The following NRXN3 variants were observed in gnomAD, a reference collection of about 807,000 sequenced individuals.
NRXN3 encodes neurexin 3, also known as neurexin III.
Under a neutral mutation model 137.6 loss-of-function variants are expected in NRXN3, and 32 were observed. The observed-to-expected ratio is 0.23, with a 90% confidence interval of 0.18 to 0.31. NRXN3 has a LOEUF of 0.31. Ranked by LOEUF, NRXN3 falls within the 10% of genes least tolerant of loss-of-function variation. The pLI is 1.00. For missense variants in NRXN3, 1,574 were observed against 2,062.5 expected, an observed-to-expected ratio of 0.76 and a Z score of 4.59; for synonymous variants, 798 against 784.5, an observed-to-expected ratio of 1.02 and a Z score of -0.29.
intron 15 of NRXN3, among the ~76,000 whole-genome samples, chr14:79,105,804 C>T (rs1315211855): frequency 6.6e-6 from 1 of 152,116 alleles, no homozygotes; most frequent in Non-Finnish European, 1.5e-5. Context: ...GGGCCTGGGG[C>T]AGGTTCACAA....
intron 19 of NRXN3, among the ~76,000 whole-genome samples, chr14:79,768,340 A>T (rs1159507421): frequency 1.3e-5 from 2 of 152,202 alleles, no homozygotes; most frequent in Admixed American, 1.3e-4. Context: ...AAACAAAAAG[A>T]CAGCAGTAAC....
intron 16 of NRXN3, among the ~76,000 whole-genome samples, chr14:79,609,948 G>C (rs913262483): frequency 6.6e-6 from 1 of 152,000 alleles, no homozygotes; most frequent in Admixed American, 6.6e-5. Context: ...GGGCCTGTCT[G>C]GGGGTAGGAG....
At position 79,049,072 on chromosome 14, in the gene NRXN3, A is replaced by AAATAAT. The variant is rs750758304; in HGVS notation, c.3262+60951_3262+60956dup. ...AAAAAAAAAAAAAAAAAAAAAAAAA[A>AAATAAT]AATAATAATAATAATAATAATAATA... On this transcript the variant is annotated intron_variant, in intron 15 of 20. Coordinates refer to ENST00000335750, the MANE Select transcript of NRXN3 (RefSeq NM_001330195.2). Among the ~76,000 whole-genome samples the AAATAAT allele has an allele frequency of 1.7e-3, 73 of 42,466 alleles. 1 individual carries two copies. In the East Asian group the frequency reaches 0.023, roughly 14 times the overall value. 27.9% of individuals were successfully genotyped at this position (42,466 alleles called of 152,430 possible). A position where few individuals can be genotyped will look rare whatever the true frequency, so the allele number is the denominator to read the frequency against.
At chr14:78,537,992 A>G (rs1487514453) in intron 4 of NRXN3, among the ~76,000 whole-genome samples, 1 of 152,202 alleles carries the variant, frequency 6.6e-6, no homozygotes, top group African/African-American at 2.4e-5. Flanking sequence ...TAACAGTACC[A>G]TGCTGTTTTG....
At chr14:78,773,740 A>T (rs2098735988) in intron 8 of NRXN3, among the ~76,000 whole-genome samples, 1 of 152,056 alleles carries the variant, frequency 6.6e-6, no homozygotes, top group Admixed American at 6.6e-5. Context: ...ATTATTTATT[A>T]ATTTTAGGTG....
intron 20 of NRXN3, among the ~76,000 whole-genome samples, chr14:79,858,381 C>A (rs554926508): frequency 6.6e-6 from 1 of 152,128 alleles, no homozygotes; most frequent in East Asian, 1.9e-4. Flanking sequence ...CAAATGAATG[C>A]CACTCTGTAA....
At chr14:79,505,638 C>A (rs138816373) in intron 16 of NRXN3, among the ~76,000 whole-genome samples, 5 of 152,184 alleles carry the variant, frequency 3.3e-5, no homozygotes, top group Admixed American at 3.3e-4. Context: ...TATTACCTTA[C>A]ATAGTTATCA....
rs2097611584 is a variant in NRXN3, at chr14:79,572,204, A to G, written c.3445-91574A>G. ...CACAAACCACATATACACATGCACA[A>G]CACACACACATTCTTTCTATACTTC... On this transcript the variant is annotated intron_variant, in intron 16 of 20. Coordinates refer to ENST00000335750, the MANE Select transcript of NRXN3 (RefSeq NM_001330195.2). 2.6e-5 allele frequency among the ~76,000 whole-genome samples: 4 copies of G among 152,094 alleles called. No homozygotes were observed. The South Asian group carries it at 8.3e-4, about 31-fold the overall frequency.
intron 19 of NRXN3, among the ~76,000 whole-genome samples, chr14:79,713,896 G>T (rs537479159): frequency 6.6e-6 from 1 of 152,120 alleles, no homozygotes; most frequent in East Asian, 1.9e-4. Flanking sequence ...TTTGAGAGGA[G>T]CAAGGATTAG....
At chr14:79,680,297 A>G (rs2098663361) in intron 17 of NRXN3, among the ~76,000 whole-genome samples, 2 of 152,052 alleles carry the variant, frequency 1.3e-5, no homozygotes, top group Admixed American at 1.3e-4. Flanking sequence ...AGGCGGGAAA[A>G]TTGCTTGAGC....
chr14:78,576,618 A>G (rs2096938416), intron 4 of NRXN3, among the ~76,000 whole-genome samples: 1 of 152,146 alleles, frequency 6.6e-6, no homozygotes, highest in Non-Finnish European at 1.5e-5. Context: ...TGGCAGAGGC[A>G]CGGGCAAGCT....
chr14:78,183,697 G>A (rs1595683806), intron 1 of NRXN3, among the ~76,000 whole-genome samples: 2 of 152,172 alleles, frequency 1.3e-5, no homozygotes, highest in South Asian at 4.1e-4. Context: ...TGGGGTTGAA[G>A]GGCTGGTTCT....
intron 16 of NRXN3, among the ~76,000 whole-genome samples, chr14:79,507,905 A>C (rs2096893570): frequency 6.6e-6 from 1 of 152,106 alleles, no homozygotes; most frequent in African/African-American, 2.4e-5. Flanking sequence ...GTGATGTCCT[A>C]CTGGGATGCC....
At chr14:79,560,224 A>G (rs2097478074) in intron 16 of NRXN3, among the ~76,000 whole-genome samples, 2 of 152,086 alleles carry the variant, frequency 1.3e-5, no homozygotes, top group Admixed American at 6.6e-5. Flanking sequence ...CTTTCTACAG[A>G]TAGGATAGAA....
At chr14:79,510,608 T>C (rs946408122) in intron 16 of NRXN3, among the ~76,000 whole-genome samples, 2 of 152,132 alleles carry the variant, frequency 1.3e-5, no homozygotes, top group Admixed American at 6.6e-5. Context: ...CGAAGTGATT[T>C]TGGGGCTGGC....
intron 19 of NRXN3, among the ~76,000 whole-genome samples, chr14:79,738,077 G>A (rs1485078157): frequency 2.0e-5 from 3 of 152,086 alleles, no homozygotes; most frequent in Non-Finnish European, 1.5e-5. Context: ...ATCTAGCTGG[G>A]AATGTCACCA....
At position 79,344,415 on chromosome 14, in the gene NRXN3, C is replaced by T. The variant is rs141759195; in HGVS notation, c.3263-122806C>T. Among the ~76,000 whole-genome samples, 425 of 152,226 alleles carry T rather than the reference C, an allele frequency of 2.8e-3. 2 individuals are homozygous for T. The highest frequency in any genetic ancestry group is 9.8e-3 in the African/African-American group (407 of 41,528). ...CAATGTGCTTTAATGTGTTACCAAA[C>T]CATTTGAGTCTGTTGTCACATAGGA... is the stretch of plus-strand genomic sequence containing the variant. On this transcript the variant is annotated intron_variant, in intron 15 of 20. Coordinates refer to ENST00000335750, the MANE Select transcript of NRXN3 (RefSeq NM_001330195.2).
At chr14:78,185,125 C>T (rs918918831) in intron 1 of NRXN3, among the ~76,000 whole-genome samples, 1 of 152,132 alleles carries the variant, frequency 6.6e-6, no homozygotes, top group Admixed American at 6.6e-5. Flanking sequence ...TTGCCCAGGG[C>T]ATTGCATTTA....
At chr14:79,163,258 C>G (rs529147611) in intron 15 of NRXN3, among the ~76,000 whole-genome samples, 8 of 151,950 alleles carry the variant, frequency 5.3e-5, no homozygotes, top group Non-Finnish European at 1.0e-4. Flanking sequence ...CTCACTCTCC[C>G]ATCATTGATT....
Sources: allele counts gnomAD v4.1 joint callset (sites outside exome capture counted in the v4.1 genomes callset), GRCh38; gene constraint gnomAD v4.1.1; transcripts MANE v1.5; gene names NCBI Gene and HGNC (gene_info 2026-07-23, HGNC 2026-07-21).